PIEZO2: variants seen among roughly 807,000 people sequenced by gnomAD.
The protein encoded by PIEZO2 is piezo-type mechanosensitive ion channel component 2.
PIEZO2 carries 172 observed loss-of-function variants against 337.3 expected under a neutral mutation model. The ratio of observed to expected loss-of-function variants is 0.51; its 90% CI spans 0.45 to 0.58. The LOEUF (loss-of-function observed/expected upper bound fraction) is 0.58. Ranked by LOEUF, PIEZO2 falls within the 20% of genes least tolerant of loss-of-function variation. PIEZO2 has a pLI of 0.00. For synonymous variants in PIEZO2, 1,251 were observed against 1,228.5 expected (o/e 1.02, Z -0.38); for missense variants, 3,028 against 3,391.3 (o/e 0.89, Z 2.66).
chr18:11,047,510 G>A lies in PIEZO2; in HGVS notation c.160+18617C>T, dbSNP rs149344705. On this transcript the variant is annotated intron_variant, in intron 2 of 55. Transcript: ENST00000674853. The surrounding 1 kb of genome is among the most constrained non-coding windows in gnomAD (Gnocchi z 7.2). ...TCCCCCAAATTCCACTCTTGGAAAT[G>A]AGAGCCACATCCACAACAAAGAGGA... is the stretch of plus-strand genomic sequence containing the variant. Among the ~76,000 whole-genome samples, 56 of 152,320 alleles carry A rather than the reference G, an allele frequency of 3.7e-4. No homozygotes were observed. Among genetic ancestry groups the A allele is most frequent in the African/African-American group, 1.3e-3 (54 of 41,572 alleles).
In PIEZO2 at chr18:11,108,411, C is replaced by A. The variant is rs898584908; in HGVS notation, c.64+40114G>T. Among the ~76,000 whole-genome samples, 6 of 151,918 alleles carry A rather than the reference C, an allele frequency of 3.9e-5. No homozygotes were observed. The East Asian group carries it at 5.8e-4, about 15-fold the overall frequency. ...CGGGCAGATCACGAGGTCAGGAGAT[C>A]GAGACCATCCTGGCTAACACGGTGA... On this transcript the variant is annotated intron_variant, in intron 1 of 55. Transcript: ENST00000674853.
chr18:11,075,309 T>C (rs901803339), intron 1 of PIEZO2, among the ~76,000 whole-genome samples: 2 of 152,200 alleles, frequency 1.3e-5, no homozygotes, highest in South Asian at 2.1e-4. Flanking sequence ...CTACAAAGTG[T>C]TTACAATAGA....
At chr18:10,787,609 G>A (rs894242211) in intron 15 of PIEZO2, among the ~76,000 whole-genome samples, 1 of 152,210 alleles carries the variant, frequency 6.6e-6, no homozygotes, top group African/African-American at 2.4e-5. Context: ...GAATGAAAAT[G>A]TGAACCAACC....
At chr18:10,965,178 A>C (rs1247076261) in intron 3 of PIEZO2, among the ~76,000 whole-genome samples, 1 of 152,082 alleles carries the variant, frequency 6.6e-6, no homozygotes, top group Non-Finnish European at 1.5e-5. Flanking sequence ...ATCATGTGGC[A>C]GTTCTATGTT....
rs570702646 is a variant in PIEZO2 at position 10,824,620 on chromosome 18, C to G, written c.918-17346G>C. Reference sequence around the variant, plus strand: ...AATCCATCTATCTATATATCCATATCTATATTTGATATGAAACAAGTTCCA... The same window carrying G: ...AATCCATCTATCTATATATCCATATGTATATTTGATATGAAACAAGTTCCA... On this transcript the variant is annotated intron_variant, in intron 7 of 55. Coordinates refer to ENST00000674853, the MANE Select transcript of PIEZO2 (RefSeq NM_001378183.1). This position sits in a 1 kb window ranked among gnomAD's most constrained non-coding sequence, Gnocchi z 4.4. Among the ~76,000 whole-genome samples, 1 of 152,018 alleles carries G rather than the reference C, an allele frequency of 6.6e-6. No homozygotes were observed. Among genetic ancestry groups the G allele is most frequent in the Non-Finnish European group, 1.5e-5 (1 of 67,984 alleles).
In PIEZO2 at chr18:10,903,498, G is replaced by A. The variant is rs144573301; in HGVS notation, c.329+7688C>T. ...CTGGCCAACAACATGGTGAAACCCCGTCTCTACCAAAAATAAAAAAAATTA... is the reference window on the plus strand; with the variant it reads ...CTGGCCAACAACATGGTGAAACCCCATCTCTACCAAAAATAAAAAAAATTA... On this transcript the variant is annotated intron_variant, in intron 4 of 55. Coordinates refer to ENST00000674853, the MANE Select transcript of PIEZO2 (RefSeq NM_001378183.1). This position sits in a 1 kb window ranked among gnomAD's most constrained non-coding sequence, Gnocchi z 4.1. 4.7e-3 allele frequency among the ~76,000 whole-genome samples: 715 copies of A among 152,004 alleles called. 5 individuals carry two copies. The highest frequency in any genetic ancestry group is 0.016 in the African/African-American group (680 of 41,462).
At chr18:10,788,842 C>T (rs2039317208) in intron 15 of PIEZO2, among the ~76,000 whole-genome samples, 1 of 152,190 alleles carries the variant, frequency 6.6e-6, no homozygotes, top group Non-Finnish European at 1.5e-5. Context: ...TCCCTTGCCT[C>T]CCAAAGTGCT....
Position 10,766,254 on chromosome 18 carries a change from A to G in PIEZO2, c.2947-3156T>C, listed in dbSNP as rs1235530022. On this transcript the variant is annotated intron_variant, in intron 21 of 55. Coordinates refer to ENST00000674853, the MANE Select transcript of PIEZO2 (RefSeq NM_001378183.1). This position sits in a 1 kb window ranked among gnomAD's most constrained non-coding sequence, Gnocchi z 6.1. ...ACAGGAGGAGGAGGAGGGATAAGGAAGAAGAAGAGGAAGGAGAAAAGGGGA... is the reference window on the plus strand; with the variant it reads ...ACAGGAGGAGGAGGAGGGATAAGGAGGAAGAAGAGGAAGGAGAAAAGGGGA... Among the ~76,000 whole-genome samples, 1 of 6,474 alleles carries G rather than the reference A, an allele frequency of 1.5e-4. No homozygotes were observed. Among genetic ancestry groups the G allele is most frequent in the Non-Finnish European group, 3.2e-4 (1 of 3,112 alleles). 4.2% of individuals were successfully genotyped at this position (6,474 alleles called of 152,430 possible).
At chr18:10,961,594 AG>A (rs1343676987) in intron 3 of PIEZO2, among the ~76,000 whole-genome samples, 1 of 152,208 alleles carries the variant, frequency 6.6e-6, no homozygotes, top group East Asian at 1.9e-4. Flanking sequence ...TTTTAAAAAA[AG>A]AAAAAAATTT....
intron 1 of PIEZO2, among the ~76,000 whole-genome samples, chr18:11,100,864 G>A (rs909000269): frequency 2.0e-5 from 3 of 152,100 alleles, no homozygotes; most frequent in Non-Finnish European, 4.4e-5. Flanking sequence ...CAAAGTGCTG[G>A]GATTACAGGC....
intron 39 of PIEZO2, among the ~76,000 whole-genome samples, chr18:10,711,764 C>A (rs1411419808): frequency 6.6e-6 from 1 of 152,164 alleles, no homozygotes; most frequent in Non-Finnish European, 1.5e-5. Flanking sequence ...TACGCATGTA[C>A]GTGATCGTAT....
rs2145783686 is a variant in PIEZO2, at chr18:11,035,570, C to A, written c.160+30557G>T. On this transcript the variant is annotated intron_variant, in intron 2 of 55. Coordinates refer to ENST00000674853, the MANE Select transcript of PIEZO2 (RefSeq NM_001378183.1). This position sits in a 1 kb window ranked among gnomAD's most constrained non-coding sequence, Gnocchi z 4.3. ...CAACTCCTCTTGCCAGCAGGGGACA[C>A]ATGCAATTTACTTGGCAGCTACCAC... Among the ~76,000 whole-genome samples the A allele has an allele frequency of 6.6e-6, 1 of 152,264 alleles. No individual in the cohort carries two copies. Among genetic ancestry groups the A allele is most frequent in the South Asian group, 2.1e-4 (1 of 4,822 alleles).
intron 2 of PIEZO2, among the ~76,000 whole-genome samples, chr18:11,018,928 T>C (rs1395608): frequency 0.52 from 78,484 of 151,984 alleles, 20,451 homozygotes; most frequent in African/African-American, 0.56. Flanking sequence ...TTCTCCACTT[T>C]AGTAAATGTC....
At chr18:10,868,867 T>A (rs2042071066) in intron 5 of PIEZO2, among the ~76,000 whole-genome samples, 1 of 152,230 alleles carries the variant, frequency 6.6e-6, no homozygotes, top group African/African-American at 2.4e-5. Flanking sequence ...TTCTTAGTCC[T>A]ATGGCAAACA....
intron 1 of PIEZO2, among the ~76,000 whole-genome samples, chr18:11,134,519 T>G (rs1431678271): frequency 1.3e-5 from 2 of 152,152 alleles, no homozygotes; most frequent in Non-Finnish European, 2.9e-5. Context: ...AAAAAGGCCC[T>G]CATCCCAAAA....
chr18:10,943,343 C>T lies in PIEZO2; in HGVS notation c.287-32115G>A, dbSNP rs556539137. 2.6e-5 allele frequency among the ~76,000 whole-genome samples: 4 copies of T among 152,304 alleles called. No homozygotes were observed. Among genetic ancestry groups the T allele is most frequent in the Admixed American group, 2.6e-4 (4 of 15,302 alleles). Reference sequence around the variant, plus strand: ...CAGCCAAGAGGGAGGCTGTACCCTGCAAAGCCCCAGGGGTGGAGTTACCCA... The same window carrying T: ...CAGCCAAGAGGGAGGCTGTACCCTGTAAAGCCCCAGGGGTGGAGTTACCCA... On this transcript the variant is annotated intron_variant, in intron 3 of 55. Coordinates refer to ENST00000674853, the MANE Select transcript of PIEZO2 (RefSeq NM_001378183.1). The surrounding 1 kb of genome is among the most constrained non-coding windows in gnomAD (Gnocchi z 4.5).
At chr18:10,704,776 C>G (rs1189452944) in intron 41 of PIEZO2, 124 bp from the exon 42 acceptor site, 2 of 1,180,760 alleles carry the variant, frequency 1.7e-6, no homozygotes, top group Non-Finnish European at 2.3e-6. Context: ...CCTCCGCCTC[C>G]CGAACTCAAG....
At chr18:10,805,829 G>A (rs552231312) in intron 8 of PIEZO2, among the ~76,000 whole-genome samples, 1 of 152,340 alleles carries the variant, frequency 6.6e-6, no homozygotes, top group Non-Finnish European at 1.5e-5. Context: ...TGAGATGGGG[G>A]GGAGGTAGCA....
In PIEZO2 at chr18:10,982,622, G is replaced by A. The variant is rs2034714300; in HGVS notation, c.161-2962C>T. Among the ~76,000 whole-genome samples, 1 of 152,184 alleles carries A rather than the reference G, an allele frequency of 6.6e-6. No individual in the cohort carries two copies. The highest frequency in any genetic ancestry group is 1.5e-5 in the Non-Finnish European group (1 of 68,024). On this transcript the variant is annotated intron_variant, in intron 2 of 55. Coordinates refer to ENST00000674853, the MANE Select transcript of PIEZO2 (RefSeq NM_001378183.1). The surrounding 1 kb of genome is among the most constrained non-coding windows in gnomAD (Gnocchi z 4.1). ...AAAATACATTTGGAAAAATAAGACT[G>A]AATTGCCATGTAAATTTTGAAATTT...
Sources: gnomAD v4.1 joint callset for allele counts (sites outside exome capture counted in the v4.1 genomes callset) on GRCh38, gnomAD v4.1.1 for gene constraint, Gnocchi (gnomAD v3.1) non-coding constraint, MANE v1.5 for transcripts, NCBI Gene and HGNC (gene_info 2026-07-23, HGNC 2026-07-21) for gene names.